The following ZNF423 variants were observed in gnomAD, a reference collection of about 807,000 sequenced individuals.
The protein encoded by ZNF423 is zinc finger protein 423, also known as Ebf-associated zinc finger protein.
In ZNF423, 12 loss-of-function variants were observed where a neutral mutation model predicts 95.8. The ratio of observed to expected loss-of-function variants is 0.13; its 90% CI spans 0.08 to 0.20. The LOEUF (loss-of-function observed/expected upper bound fraction) is 0.20. ZNF423 is among the 10% of genes least tolerant of loss of function. The pLI is 1.00. For synonymous variants in ZNF423, 749 were observed against 711.9 expected, an observed-to-expected ratio of 1.05 and a Z score of -0.83; for missense variants, 1,316 against 1,737.1, an observed-to-expected ratio of 0.76 and a Z score of 4.31.
chr16:49,674,219 G>A (rs562903348), intron 3 of ZNF423, among the ~76,000 whole-genome samples: 2 of 152,360 alleles, frequency 1.3e-5, no homozygotes, highest in East Asian at 1.9e-4. Flanking sequence ...CACAGGATCT[G>A]AGATAGGAAT....
At chr16:49,756,471 A>G (rs1425127494) in intron 2 of ZNF423, among the ~76,000 whole-genome samples, 1 of 152,196 alleles carries the variant, frequency 6.6e-6, no homozygotes, top group African/African-American at 2.4e-5. Context: ...TCCCCGCCAC[A>G]CTGATACGGA....
At chr16:49,715,467 C>T (rs1320932809) in intron 3 of ZNF423, among the ~76,000 whole-genome samples, 4 of 152,210 alleles carry the variant, frequency 2.6e-5, no homozygotes, top group African/African-American at 9.7e-5. Flanking sequence ...TGAGGCCGGG[C>T]ACGGCAGCTG....
rs772350430 is a variant in ZNF423 at position 49,637,678 on chromosome 16, T to A, written c.1498A>T (p.Ile500Phe). The change falls in exon 4 of 8, where the codon ATC becomes TTC. Residue 500 changes from isoleucine to phenylalanine, a missense_variant. Around this residue, in one of 6 missense-constraint regions of ZNF423, gnomAD observed 399 missense variants for 478.5 expected, o/e 0.83. Transcript: ENST00000563137. The surrounding 1 kb of genome is among the most constrained non-coding windows in gnomAD (Gnocchi z 5.6). The stretch of plus-strand genomic sequence containing the variant: ...CGGATGTGCTCCTGCAGGCTATTGA[T>A]GTCGGCGAACATCTCGGGGCAGTAG... ...CNYCPEMFAD[I>F]NSLQEHIRVS... 1 of 1,614,124 alleles carries A rather than the reference T, an allele frequency of 6.2e-7. No individual in the cohort carries two copies. Among genetic ancestry groups the A allele is most frequent in the Non-Finnish European group, 8.5e-7 (1 of 1,180,044 alleles).
intron 3 of ZNF423, among the ~76,000 whole-genome samples, chr16:49,694,961 G>C (rs2031913598): frequency 1.3e-5 from 2 of 152,218 alleles, no homozygotes; most frequent in African/African-American, 4.8e-5. Context: ...GAAGACGTGA[G>C]AGTGTGGTCC....
intron 3 of ZNF423, among the ~76,000 whole-genome samples, chr16:49,686,907 C>T (rs1475172376): frequency 6.6e-6 from 1 of 152,110 alleles, no homozygotes; most frequent in Non-Finnish European, 1.5e-5. Flanking sequence ...ACCAGCCTCG[C>T]ATCCCCATCC....
intron 5 of ZNF423, among the ~76,000 whole-genome samples, chr16:49,606,894 G>A (rs1971553246): frequency 6.6e-6 from 1 of 152,116 alleles, no homozygotes; most frequent in South Asian, 2.1e-4. Flanking sequence ...AAGGCCATTG[G>A]AACCAGAGCA....
At chr16:49,706,543 G>A (rs750421718) in intron 3 of ZNF423, among the ~76,000 whole-genome samples, 19 of 152,338 alleles carry the variant, frequency 1.2e-4, no homozygotes, top group Non-Finnish European at 2.1e-4. Flanking sequence ...CCACTCCACC[G>A]CCTGGAGGCA....
intron 1 of ZNF423, among the ~76,000 whole-genome samples, chr16:49,852,977 G>A (rs984433395): frequency 6.6e-6 from 1 of 152,160 alleles, no homozygotes; most frequent in Non-Finnish European, 1.5e-5. Flanking sequence ...CACTTTCTGA[G>A]CATCCATTCG....
At chr16:49,769,844 G>A (rs1457282616) in intron 2 of ZNF423, among the ~76,000 whole-genome samples, 1 of 150,660 alleles carries the variant, frequency 6.6e-6, no homozygotes. Flanking sequence ...TCCAGGCACA[G>A]TGAAGTCCCT....
At chr16:49,652,158 C>T (rs1973432345) in intron 3 of ZNF423, among the ~76,000 whole-genome samples, 1 of 151,824 alleles carries the variant, frequency 6.6e-6, no homozygotes, top group Non-Finnish European at 1.5e-5. Context: ...CCAGAACACT[C>T]CCTCCCCCGC....
rs1210593696 is a variant in ZNF423 at position 49,489,485 on chromosome 16, A to G, written c.*1790T>C. On this transcript the variant is annotated 3_prime_UTR_variant, in exon 8 of 8. Transcript: ENST00000563137. Reference sequence around the variant, plus strand: ...CAGGAGGCAACAGCCCACTACTGGCAGGGTCTGCTCTATGATTCACATATG... The same window carrying G: ...CAGGAGGCAACAGCCCACTACTGGCGGGGTCTGCTCTATGATTCACATATG... The G allele has an allele frequency of 6.6e-6, 1 of 152,254 alleles. No individual in the cohort carries two copies. Among genetic ancestry groups the G allele is most frequent in the Admixed American group, 6.5e-5 (1 of 15,286 alleles). 9.4% of individuals were successfully genotyped at this position (152,254 alleles called of 1,614,324 possible). A position where few individuals can be genotyped will look rare whatever the true frequency, so the allele number is the denominator to read the frequency against.
intron 5 of ZNF423, among the ~76,000 whole-genome samples, chr16:49,598,714 AAG>A (rs1349500351): frequency 6.6e-6 from 1 of 152,268 alleles, no homozygotes; most frequent in African/African-American, 2.4e-5. Flanking sequence ...AGTCCAAGGT[AAG>A]AGCTGTCTGC....
At chr16:49,808,993 A>C (rs1242541917) in intron 1 of ZNF423, among the ~76,000 whole-genome samples, 2 of 152,186 alleles carry the variant, frequency 1.3e-5, no homozygotes, top group Non-Finnish European at 2.9e-5. Context: ...GGCAGGAGGC[A>C]CGTCCCCGAG....
intron 2 of ZNF423, among the ~76,000 whole-genome samples, chr16:49,771,730 A>G (rs1265326253): frequency 1.3e-5 from 2 of 152,132 alleles, no homozygotes; most frequent in Non-Finnish European, 2.9e-5. Flanking sequence ...GCCTTTCACC[A>G]TGATTATGAG....
At chr16:49,804,039 G>A (rs891418969) in intron 1 of ZNF423, among the ~76,000 whole-genome samples, 2 of 148,460 alleles carry the variant, frequency 1.3e-5, no homozygotes, top group Non-Finnish European at 3.0e-5. Context: ...GGATTCAAGT[G>A]ATTCTCCTGC....
intron 3 of ZNF423, among the ~76,000 whole-genome samples, chr16:49,695,824 A>G (rs1422264114): frequency 6.6e-6 from 1 of 152,228 alleles, no homozygotes; most frequent in African/African-American, 2.4e-5. Flanking sequence ...ACAATTTAGT[A>G]CAAGAAGGAC....
chr16:49,528,849 G>A (rs1968729138), intron 5 of ZNF423, among the ~76,000 whole-genome samples: 1 of 152,084 alleles, frequency 6.6e-6, no homozygotes, highest in Admixed American at 6.5e-5. Context: ...GTGACCCAAT[G>A]TGAGCCAGCC....
At chr16:49,611,143 T>C (rs1971706621) in intron 5 of ZNF423, among the ~76,000 whole-genome samples, 1 of 152,020 alleles carries the variant, frequency 6.6e-6, no homozygotes, top group African/African-American at 2.4e-5. Flanking sequence ...TCAAAATCAT[T>C]GACCAACAGG....
At chr16:49,678,968 T>C (rs567078934) in intron 3 of ZNF423, among the ~76,000 whole-genome samples, 1 of 152,308 alleles carries the variant, frequency 6.6e-6, no homozygotes, top group South Asian at 2.1e-4. Context: ...CCTATCAGGC[T>C]CTCTGGGCCT....
Sources: allele counts gnomAD v4.1 joint callset (sites outside exome capture counted in the v4.1 genomes callset), GRCh38; gene constraint gnomAD v4.1.1; regional missense constraint gnomAD v4.1.1; non-coding constraint Gnocchi (gnomAD v3.1); transcripts MANE v1.5; gene names NCBI Gene and HGNC (gene_info 2026-07-23, HGNC 2026-07-21).